SEPTIN3: variants seen among roughly 807,000 people sequenced by gnomAD.
SEPTIN3 encodes the protein neuronal-specific septin-3.
In SEPTIN3, 15 loss-of-function variants were observed where a neutral mutation model predicts 45.1. The ratio of observed to expected loss-of-function variants is 0.33; its 90% CI spans 0.22 to 0.51. The LOEUF (loss-of-function observed/expected upper bound fraction) is 0.51, where lower values mean the gene tolerates loss of function less well. Ranked by LOEUF, SEPTIN3 falls within the 20% of genes least tolerant of loss-of-function variation. The probability of loss-of-function intolerance (pLI) is 0.97; values close to 1 mark genes in which losing one functional copy is unlikely to be tolerated. For synonymous variants in SEPTIN3, 148 were observed against 164.8 expected (o/e 0.90, Z 0.78); for missense variants, 289 against 457.2 (o/e 0.63, Z 3.35).
intron 11 of SEPTIN3, chr22:41,996,532 G>T: frequency 9.7e-7 from 1 of 1,027,746 alleles, no homozygotes; most frequent in Non-Finnish European, 1.2e-6. Flanking sequence ...GCGGTGATCA[G>T]GTCACCAGTG....
At chr22:41,984,776 G>A (rs1414264513) in intron 3 of SEPTIN3, among the ~76,000 whole-genome samples, 3 of 150,940 alleles carry the variant, frequency 2.0e-5, no homozygotes, top group Non-Finnish European at 4.4e-5. Context: ...TGATCTGCCC[G>A]CCTTGGCCTT....
intron 2 of SEPTIN3, among the ~76,000 whole-genome samples, chr22:41,979,904 G>T (rs2078093827): frequency 1.3e-5 from 2 of 152,274 alleles, no homozygotes; most frequent in South Asian, 4.1e-4. Flanking sequence ...CTCCCTGTAA[G>T]GTTGAGACTC....
At chr22:41,974,657 C>T (rs1377783702) in intron 2 of SEPTIN3, among the ~76,000 whole-genome samples, 40 of 140,038 alleles carry the variant, frequency 2.9e-4, no homozygotes, top group African/African-American at 7.9e-4. Flanking sequence ...AGTGAGACTC[C>T]GTCTCAAAAA....
chr22:41,994,502 C>A lies in SEPTIN3; in HGVS notation c.2412-119C>A. 1.3e-6 allele frequency: 2 copies of A among 1,548,760 alleles called. No individual in the cohort carries two copies. The highest frequency in any genetic ancestry group is 2.7e-5 in the African/African-American group (2 of 73,496). ...AAAATGGAAGGTGCTGTAGAAGAAT[C>A]CTTAGCTCCTGGGAGTGGTTCCCAT... On this transcript the variant is annotated intron_variant, in intron 10 of 11. Coordinates refer to ENST00000644076, the MANE Select transcript of SEPTIN3 (RefSeq NM_001363845.2). The surrounding 1 kb of genome is among the most constrained non-coding windows in gnomAD (Gnocchi z 4.2).
At chr22:41,993,796 A>G (rs973939439) in intron 9 of SEPTIN3, among the ~76,000 whole-genome samples, 7 of 152,198 alleles carry the variant, frequency 4.6e-5, no homozygotes, top group African/African-American at 1.7e-4. Flanking sequence ...GCCTGGCCCC[A>G]TGTCTTAATC....
Position 41,994,546 on chromosome 22 carries a change from C to A in SEPTIN3, c.2412-75C>A. On this transcript the variant is annotated intron_variant, in intron 10 of 11. Coordinates refer to ENST00000644076, the MANE Select transcript of SEPTIN3 (RefSeq NM_001363845.2). This position sits in a 1 kb window ranked among gnomAD's most constrained non-coding sequence, Gnocchi z 4.2. ...TTCCCATTCACTGGGTCCAGTCCCT[C>A]GAAGTGATGTGTGTCACCGCCTCCT... is the stretch of plus-strand genomic sequence containing the variant. 6.2e-7 allele frequency: 1 copy of A among 1,603,100 alleles called. No individual in the cohort carries two copies. Among genetic ancestry groups the A allele is most frequent in the African/African-American group, 1.3e-5 (1 of 74,854 alleles).
chr22:41,995,017 C>T, intron 11 of SEPTIN3: 1 of 1,247,422 alleles, frequency 8.0e-7, no homozygotes, highest in African/African-American at 1.5e-5. Context: ...TTTGGCTCCT[C>T]CATGCCTGTC....
Position 41,990,736 on chromosome 22 carries a change from A to T in SEPTIN3, c.2164-837A>T, listed in dbSNP as rs562602192. Among the ~76,000 whole-genome samples, 3 of 98,908 alleles carry T rather than the reference A, an allele frequency of 3.0e-5. No individual in the cohort carries two copies. The South Asian group carries it at 1.1e-3, about 38-fold the overall frequency. The allele number at this position is 98,908 out of a possible 152,430, so 64.9% of individuals were successfully genotyped here. ...ACTCCAGCCTGGGCGACAAAGTGAC[A>T]CTCTATCTCAAAAAAAAAAAAAAAA... On this transcript the variant is annotated intron_variant, in intron 7 of 11. Transcript: ENST00000644076.
Position 41,991,731 on chromosome 22 carries a change from T to G in SEPTIN3, c.2259+63T>G. On this transcript the variant is annotated intron_variant, in intron 8 of 11. Coordinates refer to ENST00000644076, the MANE Select transcript of SEPTIN3 (RefSeq NM_001363845.2). ...CTTGCGACCTCTGGGATGTGTATTG[T>G]GCACGTCCTCTGTCTGTCTTTTCCC... 3.7e-6 allele frequency: 4 copies of G among 1,091,398 alleles called. No individual in the cohort carries two copies. The East Asian group carries it at 7.1e-5, about 19-fold the overall frequency. The allele number at this position is 1,091,398 out of a possible 1,614,324, so 67.6% of individuals were successfully genotyped here. A position where few individuals can be genotyped will look rare whatever the true frequency, so the allele number is the denominator to read the frequency against.
At chr22:41,977,231 G>A (rs1462597057) in intron 2 of SEPTIN3, among the ~76,000 whole-genome samples, 2 of 152,018 alleles carry the variant, frequency 1.3e-5, no homozygotes, top group Admixed American at 6.5e-5. Context: ...CACCCACCTC[G>A]AGAGAGACAA....
rs2077968057 is a variant in SEPTIN3 at position 41,972,268 on chromosome 22, TGGACACAA to T, written c.782_789del (p.Thr261ArgfsTer15). ...AACACGACTGTGAATTTGACTGCTA[TGGACACAA>T]GGACAGACGCAGCCAGACATTTAGC... On this transcript the variant is annotated frameshift_variant, in exon 2 of 12. Transcript: ENST00000644076. LOFTEE classifies it high-confidence loss of function. 7.5e-6 allele frequency: 3 copies of T among 399,016 alleles called. No homozygotes were observed. The South Asian group carries it at 3.8e-4, about 51-fold the overall frequency. The allele number at this position is 399,016 out of a possible 1,614,324, so 24.7% of individuals were successfully genotyped here. A position where few individuals can be genotyped will look rare whatever the true frequency, so the allele number is the denominator to read the frequency against.
Position 41,994,642 on chromosome 22 carries a change from G to A in SEPTIN3, c.2433G>A (p.Lys811=). 6.2e-7 allele frequency: 1 copy of A among 1,614,124 alleles called. No homozygotes were observed. The highest frequency in any genetic ancestry group is 2.2e-5 in the East Asian group (1 of 44,886). The change falls in exon 11 of 12, where the codon AAG becomes AAA. Residue 811 remains lysine, a synonymous_variant. Coordinates refer to ENST00000644076, the MANE Select transcript of SEPTIN3 (RefSeq NM_001363845.2). The surrounding 1 kb of genome is among the most constrained non-coding windows in gnomAD (Gnocchi z 4.2). ...FVIRTHLQDL[K]EVTHNIHYET... ...CTAGGACCCACCTCCAGGACCTCAA[G>A]GAAGTGACACACAACATCCACTATG...
chr22:41,986,940 C>T (rs1481601300), intron 4 of SEPTIN3, among the ~76,000 whole-genome samples: 1 of 152,044 alleles, frequency 6.6e-6, no homozygotes, highest in Non-Finnish European at 1.5e-5. Context: ...TGCACCACTG[C>T]ACTCTAGCCT....
At chr22:41,989,107 A>G (rs2078256940) in intron 6 of SEPTIN3, among the ~76,000 whole-genome samples, 1 of 143,736 alleles carries the variant, frequency 7.0e-6, no homozygotes, top group Admixed American at 7.2e-5. Flanking sequence ...AGCCTGGGTG[A>G]CAAAGTGAGA....
intron 7 of SEPTIN3, 52 bp from the exon 8 acceptor site, chr22:41,991,521 C>T (rs2078316914): frequency 2.2e-6 from 3 of 1,369,414 alleles, no homozygotes; most frequent in Admixed American, 3.3e-5. Flanking sequence ...ACACACCCCT[C>T]TTTTCCATTA....
rs2078035554 is a variant in SEPTIN3, at chr22:41,976,962, C to T, written c.1504+3966C>T. On this transcript the variant is annotated intron_variant, in intron 2 of 11. Transcript: ENST00000644076. The surrounding 1 kb of genome is among the most constrained non-coding windows in gnomAD (Gnocchi z 5.8). ...GAGGAGAGCGCGAAGGGGCGAGGCCCGTTTGCAGGGGCCGCTCGGCCCGGG... is the reference window on the plus strand; with the variant it reads ...GAGGAGAGCGCGAAGGGGCGAGGCCTGTTTGCAGGGGCCGCTCGGCCCGGG... The T allele has an allele frequency of 8.3e-7, 1 of 1,207,690 alleles. No individual in the cohort carries two copies. Among genetic ancestry groups the T allele is most frequent in the Non-Finnish European group, 1.1e-6 (1 of 886,074 alleles). 74.8% of individuals were successfully genotyped at this position (1,207,690 alleles called of 1,614,324 possible). A position where few individuals can be genotyped will look rare whatever the true frequency, so the allele number is the denominator to read the frequency against.
At chr22:41,977,046 C>A (rs2078037981) in intron 2 of SEPTIN3, 6 of 1,600,098 alleles carry the variant, frequency 3.7e-6, no homozygotes, top group Non-Finnish European at 8.5e-7. Flanking sequence ...CCTGGAGGAA[C>A]GGAGACAAAG....
intron 7 of SEPTIN3, among the ~76,000 whole-genome samples, chr22:41,991,295 C>T (rs544274135): frequency 1.6e-4 from 25 of 152,228 alleles, no homozygotes; most frequent in South Asian, 1.0e-3. Flanking sequence ...CCCAGTCTCG[C>T]GGACCCTGAG....
rs2078036227 is a variant in SEPTIN3, at chr22:41,976,988, G to T, written c.1504+3992G>T. On this transcript the variant is annotated intron_variant, in intron 2 of 11. Transcript: ENST00000644076. This position sits in a 1 kb window ranked among gnomAD's most constrained non-coding sequence, Gnocchi z 5.8. The stretch of plus-strand genomic sequence containing the variant: ...GTTTGCAGGGGCCGCTCGGCCCGGG[G>T]AAGCCCGCGCCCCGCTCAGCCTTGC... 11 of 1,504,996 alleles carry T rather than the reference G, an allele frequency of 7.3e-6. No individual in the cohort carries two copies. Among genetic ancestry groups the T allele is most frequent in the Non-Finnish European group, 9.9e-6 (11 of 1,116,516 alleles). The allele number at this position is 1,504,996 out of a possible 1,614,324, so 93.2% of individuals were successfully genotyped here. A position where few individuals can be genotyped will look rare whatever the true frequency, so the allele number is the denominator to read the frequency against.
Sources: allele counts gnomAD v4.1 joint callset (sites outside exome capture counted in the v4.1 genomes callset), GRCh38; gene constraint gnomAD v4.1.1; non-coding constraint Gnocchi (gnomAD v3.1); transcripts MANE v1.5; gene names NCBI Gene and HGNC (gene_info 2026-07-23, HGNC 2026-07-21).